COL15A1: variants seen among roughly 807,000 people sequenced by gnomAD.
COL15A1 encodes collagen type XV alpha 1 chain, also known as collagen alpha-1(XV) chain.
COL15A1 carries 111 observed loss-of-function variants against 165.9 expected under a neutral mutation model. That is an observed-to-expected ratio of 0.67 (90% CI 0.57 to 0.78). COL15A1 has a LOEUF of 0.78. COL15A1 is among the 30% of genes least tolerant of loss of function. COL15A1 has a pLI of 0.00. For missense variants in COL15A1, 1,745 were observed against 1,789.7 expected, an observed-to-expected ratio of 0.98 and a Z score of 0.45; for synonymous variants, 659 against 674.8, an observed-to-expected ratio of 0.98 and a Z score of 0.36.
At chr9:98,982,283 A>G (rs1199123588) in intron 2 of COL15A1, among the ~76,000 whole-genome samples, 1 of 152,154 alleles carries the variant, frequency 6.6e-6, no homozygotes, top group East Asian at 1.9e-4. Context: ...CACACCCATT[A>G]ATGTATAATG....
At chr9:98,984,087 C>T (rs1338495887) in intron 2 of COL15A1, among the ~76,000 whole-genome samples, 1 of 152,246 alleles carries the variant, frequency 6.6e-6, no homozygotes, top group Non-Finnish European at 1.5e-5. Context: ...TGCCCTCTGG[C>T]CTCCAGAGGA....
Position 99,047,804 on chromosome 9 carries a change from G to A in COL15A1, c.2698G>A (p.Gly900Arg). Residue 900 changes from glycine (G) to arginine (R), a missense_variant, in exon 27 of 42, where the codon GGA (glycine) becomes AGA (arginine). By Grantham distance (125) the Gly-to-Arg change is moderately radical. Coordinates refer to ENST00000375001, the MANE Select transcript of COL15A1 (RefSeq NM_001855.5). ...PGPMGPKGPP[G>R]HKGEFGLPGR... Reference sequence around the variant, plus strand: ...CCTCTAGGGGCCCAAAGGACCACCAGGACATAAAGGAGAATTTGGCCTTCC... The same window carrying A: ...CCTCTAGGGGCCCAAAGGACCACCAAGACATAAAGGAGAATTTGGCCTTCC... 1.9e-6 allele frequency: 3 copies of A among 1,614,122 alleles called. No homozygotes were observed. Among genetic ancestry groups the A allele is most frequent in the Non-Finnish European group, 1.7e-6 (2 of 1,180,010 alleles).
In COL15A1 at chr9:99,069,925, C is replaced by T. The variant is rs1239314851; in HGVS notation, c.*39C>T. 2 of 1,514,942 alleles carry T rather than the reference C, an allele frequency of 1.3e-6. No homozygotes were observed. The highest frequency in any genetic ancestry group is 9.0e-7 in the Non-Finnish European group (1 of 1,105,300). The allele number at this position is 1,514,942 out of a possible 1,614,324, so 93.8% of individuals were successfully genotyped here. Reference sequence around the variant, plus strand: ...ATTCTTAAAGAGTTTTCAATTTTTTCTTATGTGAAGAGTTGACACTGAAAT... The same window carrying T: ...ATTCTTAAAGAGTTTTCAATTTTTTTTTATGTGAAGAGTTGACACTGAAAT... On this transcript the variant is annotated 3_prime_UTR_variant, in exon 42 of 42. Coordinates refer to ENST00000375001, the MANE Select transcript of COL15A1 (RefSeq NM_001855.5).
At chr9:99,054,743 T>A in intron 32 of COL15A1, 87 bp downstream of exon 32, 1 of 1,422,712 alleles carries the variant, frequency 7.0e-7, no homozygotes, top group Non-Finnish European at 9.5e-7. Context: ...AGCCAGAGGG[T>A]AAGACTAATG....
intron 28 of COL15A1, among the ~76,000 whole-genome samples, chr9:99,048,346 C>T: frequency 6.6e-6 from 1 of 152,088 alleles, no homozygotes; most frequent in Non-Finnish European, 1.5e-5. Context: ...CCAGGGATCA[C>T]TCACATCACT....
At chr9:99,012,183 TAA>T (rs1739214181) in intron 9 of COL15A1, among the ~76,000 whole-genome samples, 1 of 152,268 alleles carries the variant, frequency 6.6e-6, no homozygotes, top group Admixed American at 6.5e-5. Context: ...ACTAGCTTAT[TAA>T]AGACTTAAGT....
chr9:99,062,658 G>T (rs935988698), intron 38 of COL15A1, among the ~76,000 whole-genome samples: 1 of 152,168 alleles, frequency 6.6e-6, no homozygotes, highest in African/African-American at 2.4e-5. Flanking sequence ...ATAAGAACAT[G>T]GGCAACTGGC....
chr9:99,049,559 G>A, intron 28 of COL15A1, 131 bp from the exon 29 acceptor site: 2 of 1,135,142 alleles, frequency 1.8e-6, no homozygotes, highest in Non-Finnish European at 2.5e-6. Flanking sequence ...GTGGCTCCCT[G>A]AGCAACCTGA....
At chr9:99,016,519 A>T (rs1263535553) in intron 11 of COL15A1, among the ~76,000 whole-genome samples, 1 of 152,174 alleles carries the variant, frequency 6.6e-6, no homozygotes, top group Non-Finnish European at 1.5e-5. Flanking sequence ...TCTTGGCTAC[A>T]ACTGTGTGAC....
intron 2 of COL15A1, among the ~76,000 whole-genome samples, chr9:98,955,039 C>A (rs940740555): frequency 3.2e-4 from 49 of 152,212 alleles, no homozygotes; most frequent in African/African-American, 1.2e-3. Context: ...GGTCATCAGG[C>A]CTCCAGTACC....
At chr9:98,994,019 G>A (rs539341360) in intron 5 of COL15A1, among the ~76,000 whole-genome samples, 111 of 151,244 alleles carry the variant, frequency 7.3e-4, no homozygotes, top group Non-Finnish European at 1.2e-3. Context: ...CCAATTCTTT[G>A]CATTTTCAGA....
intron 6 of COL15A1, among the ~76,000 whole-genome samples, chr9:98,998,157 C>T (rs1838580967): frequency 6.6e-6 from 1 of 152,202 alleles, no homozygotes; most frequent in African/African-American, 2.4e-5. Flanking sequence ...AGATACATCA[C>T]ATATTAGACG....
Position 99,069,834 on chromosome 9 carries a change from G to A in COL15A1, c.4115G>A (p.Arg1372Gln), listed in dbSNP as rs372685100. The part of the protein sequence containing the change: ...LDQKAYSCAN[R>Q]LIVLCIENSF... ...CAGAAAGCATACAGCTGTGCTAATC[G>A]GCTAATTGTCCTATGTATCGAAAAC... is the stretch of plus-strand genomic sequence containing the variant. The change falls in exon 42 of 42, where the codon CGG (arginine) becomes CAG (glutamine). Residue 1372 changes from arginine (R) to glutamine (Q), a missense_variant. Physicochemically the swap from Arg to Gln is conservative, Grantham distance 43 (BLOSUM62 1). Transcript: ENST00000375001. The A allele has an allele frequency of 1.5e-5, 25 of 1,613,978 alleles. No homozygotes were observed. In the East Asian group the frequency reaches 1.6e-4, roughly 10 times the overall value.
At position 99,069,821 on chromosome 9, in the gene COL15A1, A is replaced by G. The variant is rs1825956004; in HGVS notation, c.4102A>G (p.Ser1368Gly). ...TGKILDQKAYSCANRLIVLCI... is the reference protein window; with the variant it reads ...TGKILDQKAYGCANRLIVLCI... ...GAAGATTCTGGACCAGAAAGCATACAGCTGTGCTAATCGGCTAATTGTCCT... is the reference window on the plus strand; with the variant it reads ...GAAGATTCTGGACCAGAAAGCATACGGCTGTGCTAATCGGCTAATTGTCCT... Residue 1368 changes from serine to glycine, a missense_variant, in exon 42 of 42, where the codon AGC (serine) becomes GGC (glycine). Coordinates refer to ENST00000375001, the MANE Select transcript of COL15A1 (RefSeq NM_001855.5). 3.1e-6 allele frequency: 5 copies of G among 1,614,234 alleles called. 1 individual carries two copies. The highest frequency in any genetic ancestry group is 4.2e-6 in the Non-Finnish European group (5 of 1,180,038).
chr9:99,043,020 C>A (rs1043044018), intron 24 of COL15A1, among the ~76,000 whole-genome samples: 12 of 152,160 alleles, frequency 7.9e-5, no homozygotes, highest in African/African-American at 2.9e-4. Context: ...GCTAACAGAG[C>A]ACATGCTTAC....
rs1161334175 is a variant in COL15A1 at position 99,015,467 on chromosome 9, G to A, written c.1404G>A (p.Val468=). The change falls in exon 10 of 42, where the codon GTG becomes GTA. Residue 468 remains valine (V), a synonymous_variant. Coordinates refer to ENST00000375001, the MANE Select transcript of COL15A1 (RefSeq NM_001855.5). The part of the protein sequence containing the change: ...SLTTAAAATE[V]SLSTFEDEEA... Reference sequence around the variant, plus strand: ...CAACAGCTGCAGCTGCAACCGAAGTGTCCCTCAGTACTTTTGAGGATGAGG... The same window carrying A: ...CAACAGCTGCAGCTGCAACCGAAGTATCCCTCAGTACTTTTGAGGATGAGG... 5 of 1,604,868 alleles carry A rather than the reference G, an allele frequency of 3.1e-6. No individual in the cohort carries two copies. Among genetic ancestry groups the A allele is most frequent in the Non-Finnish European group, 4.3e-6 (5 of 1,172,066 alleles).
At chr9:98,964,043 G>A (rs1317106763) in intron 2 of COL15A1, among the ~76,000 whole-genome samples, 2 of 152,230 alleles carry the variant, frequency 1.3e-5, no homozygotes, top group Non-Finnish European at 2.9e-5. Context: ...AGGAAGCTAA[G>A]GCTCAGAGAA....
rs1300636998 is a variant in COL15A1 at position 99,070,645 on chromosome 9, C to T, written c.*759C>T. ...CCACAATTTTATGACTTCCATTTGGCAATTGTTGAATTATAACTGCGACTG... is the reference window on the plus strand; with the variant it reads ...CCACAATTTTATGACTTCCATTTGGTAATTGTTGAATTATAACTGCGACTG... On this transcript the variant is annotated 3_prime_UTR_variant, in exon 42 of 42. Transcript: ENST00000375001. 1 of 453,176 alleles carries T rather than the reference C, an allele frequency of 2.2e-6. No individual in the cohort carries two copies. Among genetic ancestry groups the T allele is most frequent in the Non-Finnish European group, 4.4e-6 (1 of 225,668 alleles). The allele number at this position is 453,176 out of a possible 1,614,324, so 28.1% of individuals were successfully genotyped here.
intron 2 of COL15A1, among the ~76,000 whole-genome samples, chr9:98,978,147 G>A (rs949696811): frequency 1.3e-5 from 2 of 152,182 alleles, no homozygotes; most frequent in Non-Finnish European, 1.5e-5. Flanking sequence ...TCCCTGTCTA[G>A]AAAACAAGGA....
Sources: allele counts gnomAD v4.1 joint callset (sites outside exome capture counted in the v4.1 genomes callset), GRCh38; gene constraint gnomAD v4.1.1; transcripts MANE v1.5; gene names NCBI Gene and HGNC (gene_info 2026-07-23, HGNC 2026-07-21).